ANKS1B: variants seen among roughly 807,000 people sequenced by gnomAD.
ANKS1B encodes ankyrin repeat and sterile alpha motif domain-containing protein 1B.
ANKS1B carries 36 observed loss-of-function variants against 148.3 expected under a neutral mutation model. The ratio of observed to expected loss-of-function variants is 0.24; its 90% CI spans 0.19 to 0.32. The LOEUF (loss-of-function observed/expected upper bound fraction) is 0.32. Ranked by LOEUF, ANKS1B falls within the 10% of genes least tolerant of loss-of-function variation. The pLI is 1.00. For synonymous variants in ANKS1B, 542 were observed against 560.8 expected, an observed-to-expected ratio of 0.97 and a Z score of 0.47; for missense variants, 1,157 against 1,542.6, an observed-to-expected ratio of 0.75 and a Z score of 4.19.
At chr12:99,905,479 C>T (rs1339119418) in intron 1 of ANKS1B, among the ~76,000 whole-genome samples, 1 of 152,176 alleles carries the variant, frequency 6.6e-6, no homozygotes, top group African/African-American at 2.4e-5. Flanking sequence ...TTCTCTTCCA[C>T]ACACACATTC....
chr12:99,430,202 A>G (rs745362193), intron 11 of ANKS1B, among the ~76,000 whole-genome samples: 9 of 152,230 alleles, frequency 5.9e-5, no homozygotes, highest in Non-Finnish European at 8.8e-5. Flanking sequence ...AATTAGAAGT[A>G]GAAGAGATGA....
In ANKS1B at chr12:99,338,227, G is replaced by C. The variant is rs182635987; in HGVS notation, c.1756+61404C>G. 3.9e-5 allele frequency among the ~76,000 whole-genome samples: 6 copies of C among 152,232 alleles called. No individual in the cohort carries two copies. The East Asian group carries it at 1.2e-3, about 30-fold the overall frequency. ...GTACTATTCTACTGCAGCTGAACTG[G>C]CATGCAAGCCACAAGACAAAGTCCT... On this transcript the variant is annotated intron_variant, in intron 12 of 26. Transcript: ENST00000683438.
chr12:99,006,711 C>A (rs183247825), intron 17 of ANKS1B, among the ~76,000 whole-genome samples: 1 of 152,270 alleles, frequency 6.6e-6, no homozygotes, highest in East Asian at 1.9e-4. Context: ...TGCCTGTAGA[C>A]TGATAACAAT....
chr12:99,045,967 C>T (rs1048087016), intron 17 of ANKS1B, among the ~76,000 whole-genome samples: 1 of 152,090 alleles, frequency 6.6e-6, no homozygotes, highest in African/African-American at 2.4e-5. Context: ...TCAGTACATG[C>T]ATGTGAGGAA....
rs2095666600 is a variant in ANKS1B at position 99,979,451 on chromosome 12, A to G, written c.134+4653T>C. Among the ~76,000 whole-genome samples the G allele has an allele frequency of 5.3e-5, 8 of 152,100 alleles. No individual in the cohort carries two copies. The South Asian group carries it at 1.7e-3, about 31-fold the overall frequency. ...AAGAATCTAATTCTTCCCAACTTTT[A>G]TTTTGCTTCTATTTTCCCTATTGAG... On this transcript the variant is annotated intron_variant, in intron 1 of 26. Transcript: ENST00000683438.
intron 1 of ANKS1B, among the ~76,000 whole-genome samples, chr12:99,922,681 T>TC (rs1036416179): frequency 6.6e-6 from 1 of 152,084 alleles, no homozygotes; most frequent in Non-Finnish European, 1.5e-5. Flanking sequence ...TTTGAATGTG[T>TC]CCCCCGAAGT....
At chr12:99,631,092 T>C (rs1307805927) in intron 9 of ANKS1B, among the ~76,000 whole-genome samples, 1 of 152,144 alleles carries the variant, frequency 6.6e-6, no homozygotes, top group Non-Finnish European at 1.5e-5. Context: ...CCACCTTGAT[T>C]GTGAGGCCTC....
chr12:99,666,436 G>A (rs1166047950), intron 8 of ANKS1B, among the ~76,000 whole-genome samples: 2 of 152,162 alleles, frequency 1.3e-5, no homozygotes, highest in African/African-American at 2.4e-5. Context: ...GTATATCCCC[G>A]TAGGTATTAG....
chr12:99,129,318 C>T (rs1191349187), intron 15 of ANKS1B, among the ~76,000 whole-genome samples: 2 of 152,056 alleles, frequency 1.3e-5, no homozygotes, highest in African/African-American at 4.8e-5. Context: ...GTTATTCAGC[C>T]CAAAGCAAAC....
At chr12:99,476,306 T>C (rs2096319858) in intron 10 of ANKS1B, among the ~76,000 whole-genome samples, 1 of 152,134 alleles carries the variant, frequency 6.6e-6, no homozygotes, top group Admixed American at 6.5e-5. Context: ...GGCGGGAGAA[T>C]TGCTTGAACC....
chr12:99,743,777 A>G (rs561517490), intron 8 of ANKS1B, among the ~76,000 whole-genome samples: 32 of 152,314 alleles, frequency 2.1e-4, no homozygotes, highest in African/African-American at 6.3e-4. Context: ...TTCCCAAGAC[A>G]ACAGCCTTAG....
At chr12:99,523,455 A>G (rs1375530667) in intron 9 of ANKS1B, among the ~76,000 whole-genome samples, 1 of 152,146 alleles carries the variant, frequency 6.6e-6, no homozygotes, top group Non-Finnish European at 1.5e-5. Flanking sequence ...ATTTCTAATA[A>G]TTAGAGCTTT....
chr12:98,940,461 A>G (rs995039874), intron 17 of ANKS1B, among the ~76,000 whole-genome samples: 2 of 152,192 alleles, frequency 1.3e-5, no homozygotes, highest in Non-Finnish European at 2.9e-5. Flanking sequence ...GAATTCTTTC[A>G]GGGCTCAGCT....
At chr12:99,510,669 G>T (rs1330455602) in intron 9 of ANKS1B, among the ~76,000 whole-genome samples, 3 of 152,000 alleles carry the variant, frequency 2.0e-5, no homozygotes, top group African/African-American at 7.2e-5. Flanking sequence ...GATAACAAAG[G>T]ATTTAGAATA....
Position 99,977,342 on chromosome 12 carries a change from G to A in ANKS1B, c.134+6762C>T, listed in dbSNP as rs541966729. Among the ~76,000 whole-genome samples, 14 of 152,094 alleles carry A rather than the reference G, an allele frequency of 9.2e-5. No individual in the cohort carries two copies. The East Asian group carries it at 2.5e-3, about 27-fold the overall frequency. ...TTGTTTTGTTTTTTATAGAGACAGGGTCTCACTATGTTGCCTAGGCTATTC... is the reference window on the plus strand; with the variant it reads ...TTGTTTTGTTTTTTATAGAGACAGGATCTCACTATGTTGCCTAGGCTATTC... On this transcript the variant is annotated intron_variant, in intron 1 of 26. Transcript: ENST00000683438.
intron 14 of ANKS1B, among the ~76,000 whole-genome samples, chr12:99,233,963 C>G (rs1248646792): frequency 6.6e-6 from 1 of 152,008 alleles, no homozygotes; most frequent in African/African-American, 2.4e-5. Flanking sequence ...AAAAAAAATG[C>G]TGAGACAAAA....
chr12:99,599,683 G>A (rs1028854257), intron 9 of ANKS1B, among the ~76,000 whole-genome samples: 1 of 152,006 alleles, frequency 6.6e-6, no homozygotes, highest in African/African-American at 2.4e-5. Context: ...TAAATTTACA[G>A]TTTTGGGCAA....
intron 12 of ANKS1B, among the ~76,000 whole-genome samples, chr12:99,340,654 A>G (rs1028101747): frequency 6.6e-6 from 1 of 152,104 alleles, no homozygotes; most frequent in Non-Finnish European, 1.5e-5. Context: ...TCAGGTTTCT[A>G]GATATGCTCT....
At chr12:98,748,191 A>G (rs924928466) in intron 26 of ANKS1B, among the ~76,000 whole-genome samples, 1 of 152,216 alleles carries the variant, frequency 6.6e-6, no homozygotes. Context: ...GTGTCAAAAT[A>G]TCACATAGCA....
Sources: allele counts gnomAD v4.1 joint callset (sites outside exome capture counted in the v4.1 genomes callset), GRCh38; gene constraint gnomAD v4.1.1; transcripts MANE v1.5; gene names NCBI Gene and HGNC (gene_info 2026-07-23, HGNC 2026-07-21).